Variants in FAP observed in about 807,000 individuals in gnomAD.
FAP encodes the protein prolyl endopeptidase FAP.
FAP carries 110 observed loss-of-function variants against 126.5 expected under a neutral mutation model. That is an observed-to-expected ratio of 0.87 (90% CI 0.74 to 1.02). The LOEUF (loss-of-function observed/expected upper bound fraction) is 1.02. Among genes scored for constraint, FAP ranks in the 50% least tolerant of loss-of-function variants. The pLI, the probability that FAP is intolerant of heterozygous loss-of-function variation, is 0.00. For missense variants in FAP, 919 were observed against 909.2 expected, an observed-to-expected ratio of 1.01 and a Z score of -0.14; for synonymous variants, 334 against 297.3, an observed-to-expected ratio of 1.12 and a Z score of -1.27.
chr2:162,186,038 G>A (rs535709091), intron 20 of FAP, among the ~76,000 whole-genome samples: 1 of 152,188 alleles, frequency 6.6e-6, no homozygotes, highest in Non-Finnish European at 1.5e-5. Flanking sequence ...GGGCCACGCA[G>A]CTGCCCATAT....
At chr2:162,177,850 T>C (rs961026347) in intron 21 of FAP, among the ~76,000 whole-genome samples, 3 of 152,122 alleles carry the variant, frequency 2.0e-5, no homozygotes, top group Non-Finnish European at 4.4e-5. Context: ...ATTTGTTGAG[T>C]ATATGACTTT....
At chr2:162,240,760 G>A (rs1232272137) in intron 2 of FAP, among the ~76,000 whole-genome samples, 2 of 152,184 alleles carry the variant, frequency 1.3e-5, no homozygotes, top group African/African-American at 4.8e-5. Flanking sequence ...TGAGAAAGAG[G>A]CTAAGTAGGA....
chr2:162,234,809 G>T (rs1690039477), intron 2 of FAP, among the ~76,000 whole-genome samples: 1 of 152,124 alleles, frequency 6.6e-6, no homozygotes, highest in South Asian at 2.1e-4. Context: ...CCTTTCTCTG[G>T]GCTGGCCGAG....
At chr2:162,230,360 T>C (rs1204880788) in intron 2 of FAP, among the ~76,000 whole-genome samples, 5 of 152,198 alleles carry the variant, frequency 3.3e-5, no homozygotes, top group Admixed American at 1.3e-4. Context: ...TCTAAATTTA[T>C]TGAACATGAA....
At chr2:162,174,303 GGAGA>G (rs1487819172) in intron 22 of FAP, among the ~76,000 whole-genome samples, 4 of 152,046 alleles carry the variant, frequency 2.6e-5, no homozygotes, top group Non-Finnish European at 5.9e-5. Flanking sequence ...CCAATATAGA[GGAGA>G]GAATCTGATG....
At chr2:162,233,497 G>T (rs1461250650) in intron 2 of FAP, among the ~76,000 whole-genome samples, 1 of 152,090 alleles carries the variant, frequency 6.6e-6, no homozygotes, top group South Asian at 2.1e-4. Flanking sequence ...CATCATTCAT[G>T]TGCTTATTAG....
At position 162,170,724 on chromosome 2, in the gene FAP, A is replaced by T. The variant is rs1195305764; in HGVS notation, c.*255T>A. The T allele has an allele frequency of 2.6e-6, 1 of 388,230 alleles. No individual in the cohort carries two copies. The highest frequency in any genetic ancestry group is 2.0e-5 in the African/African-American group (1 of 49,620). 24.0% of individuals were successfully genotyped at this position (388,230 alleles called of 1,614,324 possible). A position where few individuals can be genotyped will look rare whatever the true frequency, so the allele number is the denominator to read the frequency against. ...TGACTTTATTATTTTTCTTCAAATG[A>T]ACAGGTGATAAAACACTGTGTCCAA... On this transcript the variant is annotated 3_prime_UTR_variant, in exon 26 of 26. Transcript: ENST00000188790.
intron 8 of FAP, among the ~76,000 whole-genome samples, chr2:162,218,572 G>GATAA (rs940169557): frequency 2.1e-4 from 32 of 151,116 alleles, no homozygotes; most frequent in East Asian, 1.9e-3. Flanking sequence ...TAGATAGATA[G>GATAA]ATAGATAGAT....
At chr2:162,230,144 T>C (rs908087231) in intron 2 of FAP, among the ~76,000 whole-genome samples, 1 of 152,146 alleles carries the variant, frequency 6.6e-6, no homozygotes, top group Non-Finnish European at 1.5e-5. Context: ...TCATCCCCAA[T>C]ATACTCAGAG....
At chr2:162,210,445 A>G (rs1688882275) in intron 11 of FAP, among the ~76,000 whole-genome samples, 1 of 152,212 alleles carries the variant, frequency 6.6e-6, no homozygotes, top group Non-Finnish European at 1.5e-5. Flanking sequence ...GTAATCCTAA[A>G]AGAATGAATA....
chr2:162,212,283 C>G lies in FAP; in HGVS notation c.1002+1655G>C, dbSNP rs572923997. 3.9e-5 allele frequency among the ~76,000 whole-genome samples: 6 copies of G among 152,230 alleles called. No individual in the cohort carries two copies. The East Asian group carries it at 1.2e-3, about 29-fold the overall frequency. Reference sequence around the variant, plus strand: ...AATTATAAATCTCATTATGTTCAAACTAATAAAATTAAAGCAATAGTCCCT... The same window carrying G: ...AATTATAAATCTCATTATGTTCAAAGTAATAAAATTAAAGCAATAGTCCCT... On this transcript the variant is annotated intron_variant, in intron 11 of 25. Transcript: ENST00000188790.
At chr2:162,188,106 C>T in intron 20 of FAP, 63 bp downstream of exon 20, 1 of 1,320,694 alleles carries the variant, frequency 7.6e-7, no homozygotes, top group Non-Finnish European at 1.1e-6. Context: ...AATGGAGAAA[C>T]ACAATAGTGA....
intron 3 of FAP, 140 bp downstream of exon 3, chr2:162,226,383 C>T: frequency 2.1e-6 from 1 of 483,900 alleles, no homozygotes; most frequent in South Asian, 3.5e-5. Context: ...CTTTTTTGAG[C>T]ACTTGAATCA....
intron 4 of FAP, 104 bp downstream of exon 4, chr2:162,225,379 G>A: frequency 4.9e-6 from 7 of 1,442,714 alleles, no homozygotes; most frequent in Non-Finnish European, 6.5e-6. Flanking sequence ...GAGCTGGGAA[G>A]GCAAGTTGTG....
At chr2:162,208,608 G>A (rs572789428) in intron 12 of FAP, among the ~76,000 whole-genome samples, 10 of 151,816 alleles carry the variant, frequency 6.6e-5, no homozygotes, top group South Asian at 2.1e-4. Context: ...TCTTCCCTTC[G>A]TTCTTTACTA....
chr2:162,223,783 A>C (rs1316833491), intron 5 of FAP, 123 bp from the exon 6 acceptor site: 5 of 652,180 alleles, frequency 7.7e-6, no homozygotes, highest in Non-Finnish European at 1.4e-5. Context: ...TTCACAAGGC[A>C]CTAGGAAGAA....
In FAP at chr2:162,198,874, T is replaced by C; in HGVS notation, c.1285A>G (p.Ile429Val). Residue 429 changes from isoleucine (I) to valine (V), a missense_variant, in exon 16 of 26, where the codon ATT (isoleucine) becomes GTT (valine). Ile to Val is a conservative substitution (Grantham distance 29, BLOSUM62 3). Coordinates refer to ENST00000188790, the MANE Select transcript of FAP (RefSeq NM_004460.5). ...TTCTTGCTTGGAGGATAGCTTCCAATGCTAATTCTAGAGGGAAATGAAAAT... is the reference window on the plus strand; with the variant it reads ...TTCTTGCTTGGAGGATAGCTTCCAACGCTAATTCTAGAGGGAAATGAAAAT... ...PGRRNIYRIS[I>V]GSYPPSKKCV... 4 of 1,613,546 alleles carry C rather than the reference T, an allele frequency of 2.5e-6. No homozygotes were observed. Among genetic ancestry groups the C allele is most frequent in the Non-Finnish European group, 3.4e-6 (4 of 1,179,492 alleles).
chr2:162,198,383 C>T (rs1164268285), intron 16 of FAP: 5 of 1,268,746 alleles, frequency 3.9e-6, no homozygotes, highest in South Asian at 1.3e-5. Context: ...TCTTTTTCTG[C>T]GATTGCTCAG....
chr2:162,215,968 T>C lies in FAP; in HGVS notation c.796A>G (p.Ile266Val), dbSNP rs1053723043. 6.2e-7 allele frequency: 1 copy of C among 1,613,940 alleles called. No homozygotes were observed. The highest frequency in any genetic ancestry group is 1.3e-5 in the African/African-American group (1 of 74,918). Residue 266 changes from isoleucine (I) to valine (V), a missense_variant, in exon 10 of 26, where the codon ATT becomes GTT. Physicochemically the swap from Ile to Val is conservative, Grantham distance 29. Transcript: ENST00000188790. ...TACGCAGGGTAAGTGGTATCGATAA[T>C]AAATATCCGAACAACGGGATTCTTA... ...GAKNPVVRIF[I>V]IDTTYPAYVG...
Sources: gnomAD v4.1 joint callset for allele counts (sites outside exome capture counted in the v4.1 genomes callset) on GRCh38, gnomAD v4.1.1 for gene constraint, MANE v1.5 for transcripts, NCBI Gene and HGNC (gene_info 2026-07-23, HGNC 2026-07-21) for gene names.